The following DMXL1 variants were observed in gnomAD, a reference collection of about 807,000 sequenced individuals.
DMXL1 encodes the protein Dmx like 1.
In DMXL1, 99 loss-of-function variants were observed where a neutral mutation model predicts 319.2. The ratio of observed to expected loss-of-function variants is 0.31; its 90% confidence interval spans 0.26 to 0.37. The LOEUF is 0.37. DMXL1 is among the 10% of genes least tolerant of loss of function. DMXL1 has a pLI of 1.00. For missense variants in DMXL1, 3,745 were observed against 3,595.6 expected, an observed-to-expected ratio of 1.04 and a Z score of -1.06; for synonymous variants, 1,385 against 1,235.2, an observed-to-expected ratio of 1.12 and a Z score of -2.54.
intron 3 of DMXL1, chr5:119,104,122 A>G (rs1468239824): frequency 6.6e-6 from 1 of 152,194 alleles, no homozygotes; most frequent in Admixed American, 6.5e-5. Flanking sequence ...TTTGTATATT[A>G]TGGAGTATTC....
rs753670251 is a variant in DMXL1 at position 119,170,663 on chromosome 5, G to A, written c.5872G>A (p.Val1958Met). Residue 1958 changes from valine (V) to methionine (M), a missense_variant, in exon 24 of 44, where the codon GTG (valine) becomes ATG (methionine). Physicochemically the swap from Val to Met is conservative, Grantham distance 21. Transcript: ENST00000539542. ...LSFDWSQPSVVFQDDSLELKW... is the reference protein window; with the variant it reads ...LSFDWSQPSVMFQDDSLELKW... ...TTTTGACTGGAGCCAACCAAGTGTT[G>A]TGTTTCAGGATGACTCTTTAGAGTT... 7 of 1,613,638 alleles carry A rather than the reference G, an allele frequency of 4.3e-6. No individual in the cohort carries two copies. Among genetic ancestry groups the A allele is most frequent in the Non-Finnish European group, 5.9e-6 (7 of 1,179,894 alleles).
At chr5:119,085,387 G>A (rs1262672118) in intron 1 of DMXL1, among the ~76,000 whole-genome samples, 1 of 151,286 alleles carries the variant, frequency 6.6e-6, no homozygotes, top group African/African-American at 2.4e-5. Flanking sequence ...AATTAATTCT[G>A]GATTTTTTCT....
chr5:119,157,007 C>T (rs1286191063), intron 19 of DMXL1, among the ~76,000 whole-genome samples: 3 of 151,426 alleles, frequency 2.0e-5, no homozygotes, highest in South Asian at 2.1e-4. Context: ...TTCATTTATC[C>T]CCTCTGGTTT....
intron 4 of DMXL1, among the ~76,000 whole-genome samples, chr5:119,106,421 AT>A (rs1476556761): frequency 1.3e-5 from 2 of 152,168 alleles, no homozygotes; most frequent in African/African-American, 2.4e-5. Flanking sequence ...ATTGGGAGCC[AT>A]TTTTACCATT....
intron 28 of DMXL1, among the ~76,000 whole-genome samples, chr5:119,178,881 TC>T (rs1776307029): frequency 6.6e-6 from 1 of 151,896 alleles, no homozygotes; most frequent in South Asian, 2.1e-4. Flanking sequence ...GCTATTTTAT[TC>T]TGCTTTTAAA....
chr5:119,208,868 G>A (rs964252113), intron 34 of DMXL1, among the ~76,000 whole-genome samples: 5 of 151,780 alleles, frequency 3.3e-5, no homozygotes, highest in Non-Finnish European at 7.4e-5. Context: ...TCTCCCACCT[G>A]TGCCCTCTTC....
At chr5:119,192,034 C>G (rs1778787510) in intron 29 of DMXL1, among the ~76,000 whole-genome samples, 1 of 152,198 alleles carries the variant, frequency 6.6e-6, no homozygotes. Context: ...AAGTTCCACT[C>G]TCCCTGCTGT....
At chr5:119,146,378 A>G (rs542713112) in intron 15 of DMXL1, among the ~76,000 whole-genome samples, 3 of 152,010 alleles carry the variant, frequency 2.0e-5, no homozygotes, top group South Asian at 2.1e-4. Context: ...GGAGAAGACA[A>G]ATTTTCTTGA....
chr5:119,079,273 C>T (rs1379158912), intron 1 of DMXL1, among the ~76,000 whole-genome samples: 1 of 152,144 alleles, frequency 6.6e-6, no homozygotes, highest in African/African-American at 2.4e-5. Context: ...CCACTTATAT[C>T]AGCATCCATT....
In DMXL1 at chr5:119,206,885, A is replaced by G. The variant is rs1781840679; in HGVS notation, c.7915A>G (p.Asn2639Asp). ...TIKNSMMEEP[N>D]INKIEADLGY... is the part of the protein sequence containing the mutation. ...CAAAAATTCTATGATGGAGGAGCCA[A>G]ACATCAATAAGGTACAAAATATCAT... Residue 2639 changes from asparagine (N) to aspartate (D), a missense_variant, in exon 34 of 44, where the codon AAC becomes GAC. Physicochemically the swap from Asn to Asp is conservative, Grantham distance 23. This residue lies in a region of DMXL1 where 1,382 missense variants were observed against 1,269.5 expected (regional missense o/e 1.09). Transcript: ENST00000539542. 2.6e-6 allele frequency: 4 copies of G among 1,522,120 alleles called. No homozygotes were observed. Among genetic ancestry groups the G allele is most frequent in the African/African-American group, 1.4e-5 (1 of 72,690 alleles). 94.3% of individuals were successfully genotyped at this position (1,522,120 alleles called of 1,614,324 possible). A position where few individuals can be genotyped will look rare whatever the true frequency, so the allele number is the denominator to read the frequency against.
chr5:119,240,249 T>A (rs905557704), intron 41 of DMXL1, among the ~76,000 whole-genome samples, 170 bp from the exon 42 acceptor site: 3 of 152,198 alleles, frequency 2.0e-5, no homozygotes, highest in East Asian at 1.9e-4. Context: ...TTCTTTTTTT[T>A]ATATAAAAAT....
intron 5 of DMXL1, 99 bp downstream of exon 5, chr5:119,110,382 AG>A: frequency 4.4e-6 from 5 of 1,140,988 alleles, no homozygotes; most frequent in Non-Finnish European, 6.0e-6. Flanking sequence ...TGACATAAAA[AG>A]TATTGATTTT....
At chr5:119,125,051 C>T (rs1162354368) in intron 9 of DMXL1, among the ~76,000 whole-genome samples, 1 of 152,108 alleles carries the variant, frequency 6.6e-6, no homozygotes, top group Non-Finnish European at 1.5e-5. Context: ...AATTTAATCT[C>T]CTTTGCAATA....
At chr5:119,231,517 C>G (rs1416880266) in intron 38 of DMXL1, among the ~76,000 whole-genome samples, 2 of 152,170 alleles carry the variant, frequency 1.3e-5, no homozygotes, top group African/African-American at 4.8e-5. Context: ...AAGGGGCCTA[C>G]CAGGAGGTAA....
At chr5:119,203,858 T>TC (rs1279286804) in intron 33 of DMXL1, among the ~76,000 whole-genome samples, 1 of 152,176 alleles carries the variant, frequency 6.6e-6, no homozygotes, top group African/African-American at 2.4e-5. Flanking sequence ...TCTTGTTCTG[T>TC]CACCCAGGCT....
intron 37 of DMXL1, among the ~76,000 whole-genome samples, chr5:119,221,895 C>T (rs1370015873): frequency 6.6e-6 from 1 of 150,924 alleles, no homozygotes; most frequent in African/African-American, 2.4e-5. Flanking sequence ...TTTTTTAGCC[C>T]TGATTACCTA....
chr5:119,096,191 T>TC (rs1332457266), intron 1 of DMXL1, among the ~76,000 whole-genome samples: 1 of 152,032 alleles, frequency 6.6e-6, no homozygotes, highest in African/African-American at 2.4e-5. Context: ...TTTTTTTTTT[T>TC]TTGAGATGGA....
At position 119,206,894 on chromosome 5, in the gene DMXL1, A is replaced by C. The variant is rs1428030255; in HGVS notation, c.7924A>C (p.Lys2642Gln). The C allele has an allele frequency of 6.6e-7, 1 of 1,513,534 alleles. No individual in the cohort carries two copies. The highest frequency in any genetic ancestry group is 8.9e-7 in the Non-Finnish European group (1 of 1,128,638). The allele number at this position is 1,513,534 out of a possible 1,614,324, so 93.8% of individuals were successfully genotyped here. ...NSMMEEPNIN[K>Q]IEADLGYPGG... ...TATGATGGAGGAGCCAAACATCAAT[A>C]AGGTACAAAATATCATTCAACTGAA... Residue 2642 changes from lysine to glutamine, a missense_variant and splice_region_variant, in exon 34 of 44, where the codon AAG becomes CAG. This residue lies in a region of DMXL1 where 1,382 missense variants were observed against 1,269.5 expected (regional missense o/e 1.09). Transcript: ENST00000539542.
chr5:119,132,834 G>C (rs566128434), intron 10 of DMXL1: 8 of 554,328 alleles, frequency 1.4e-5, no homozygotes, highest in South Asian at 1.3e-4. Context: ...TTTTTTGAAA[G>C]TCCAAGTTTT....
Sources: gnomAD v4.1 joint callset for allele counts (sites outside exome capture counted in the v4.1 genomes callset) on GRCh38, gnomAD v4.1.1 for gene constraint, gnomAD v4.1.1 regional missense constraint, MANE v1.5 for transcripts, NCBI Gene and HGNC (gene_info 2026-07-23, HGNC 2026-07-21) for gene names.